Variants in XRCC1 observed in about 807,000 individuals in gnomAD.
The protein encoded by XRCC1 is X-ray repair cross complementing 1.
XRCC1 carries 52 observed loss-of-function variants against 83.3 expected under a neutral mutation model. That is an observed-to-expected ratio of 0.62 (90% CI 0.50 to 0.79). The LOEUF (loss-of-function observed/expected upper bound fraction) is 0.79, where lower values mean the gene tolerates loss of function less well. Among genes scored for constraint, XRCC1 ranks in the 30% least tolerant of loss-of-function variants. XRCC1 has a pLI of 0.00. For synonymous variants in XRCC1, 281 were observed against 312.6 expected (o/e 0.90, Z 1.07); for missense variants, 793 against 823.5 (o/e 0.96, Z 0.45).
intron 2 of XRCC1, among the ~76,000 whole-genome samples, chr19:43,564,939 T>A (rs925260702): frequency 2.0e-5 from 3 of 152,210 alleles, no homozygotes. Flanking sequence ...TCTCCTTGCA[T>A]CTTCGGCTTC....
chr19:43,549,345 T>C (rs905660868), intron 10 of XRCC1, among the ~76,000 whole-genome samples: 4 of 152,062 alleles, frequency 2.6e-5, no homozygotes, highest in African/African-American at 9.7e-5. Flanking sequence ...CTTCAACCCC[T>C]TCCTCCCAGG....
At position 43,553,457 on chromosome 19, in the gene XRCC1, G is replaced by A. The variant is rs2146052489; in HGVS notation, c.545C>T (p.Ala182Val). 2 of 1,614,156 alleles carry A rather than the reference G, an allele frequency of 1.2e-6. No homozygotes were observed. The highest frequency in any genetic ancestry group is 1.1e-5 in the South Asian group (1 of 91,082). ...QFRVKEEDES[A>V]NSLRPGALFF... ...GAGAGCCCCCGGCCTCAGAGAGTTG[G>A]CGCTCTCATCCTCCTCCTTCACACG... The change falls in exon 6 of 17, where the codon GCC becomes GTC. Residue 182 changes from alanine to valine, a missense_variant. By Grantham distance (64) the Ala-to-Val change is moderately conservative. Transcript: ENST00000262887.
rs1282834203 is a variant in XRCC1 at position 43,548,047 on chromosome 19, G to GT, written c.1200-1071_1200-1070insA. On this transcript the variant is annotated intron_variant, in intron 10 of 16. Coordinates refer to ENST00000262887, the MANE Select transcript of XRCC1 (RefSeq NM_006297.3). ...CAGGTTCCCGTCCGGGAGGGAGGTG[G>GT]GGGGCCAGCCGCCCCGTCGGGGGGG... is the stretch of plus-strand genomic sequence containing the variant. Among the ~76,000 whole-genome samples, 2 of 29,332 alleles carry GT rather than the reference G, an allele frequency of 6.8e-5. 1 individual carries two copies. 19.2% of individuals were successfully genotyped at this position (29,332 alleles called of 152,430 possible). A position where few individuals can be genotyped will look rare whatever the true frequency, so the allele number is the denominator to read the frequency against.
intron 4 of XRCC1, among the ~76,000 whole-genome samples, chr19:43,554,369 C>T (rs1568514422): frequency 6.6e-6 from 1 of 152,200 alleles, no homozygotes; most frequent in Non-Finnish European, 1.5e-5. Context: ...ACTAGGCCCA[C>T]TCTACTAGGC....
rs779561255 is a variant in XRCC1, at chr19:43,543,642, T to C, written c.1758A>G (p.Thr586=). ...YMSDRVQFVI[T]AQEWDPSFEE... is the part of the protein sequence containing the mutation. Reference sequence around the variant, plus strand: ...CAAAGCTGGGATCCCATTCCTGTGCTGTGATCACAAACTGAACCCGGTCAC... The same window carrying C: ...CAAAGCTGGGATCCCATTCCTGTGCCGTGATCACAAACTGAACCCGGTCAC... The change falls in exon 16 of 17, where the codon ACA becomes ACG. Residue 586 remains threonine, a synonymous_variant. Coordinates refer to ENST00000262887, the MANE Select transcript of XRCC1 (RefSeq NM_006297.3). 6.2e-7 allele frequency: 1 copy of C among 1,613,956 alleles called. No individual in the cohort carries two copies. Among genetic ancestry groups the C allele is most frequent in the Non-Finnish European group, 8.5e-7 (1 of 1,180,004 alleles).
At chr19:43,566,740 A>G (rs1160171011) in intron 2 of XRCC1, among the ~76,000 whole-genome samples, 2 of 151,430 alleles carry the variant, frequency 1.3e-5, no homozygotes, top group African/African-American at 4.9e-5. Flanking sequence ...TTAGTTGGGC[A>G]TGGTGGCATG....
intron 15 of XRCC1, among the ~76,000 whole-genome samples, 173 bp downstream of exon 15, chr19:43,543,971 C>T (rs1262201832): frequency 4.6e-5 from 7 of 152,050 alleles, no homozygotes; most frequent in African/African-American, 7.2e-5. Context: ...CCTGGGCTGC[C>T]GGTGGTGGGC....
In XRCC1 at chr19:43,553,004, C is replaced by A; in HGVS notation, c.689G>T (p.Arg230Met). ...CACCTTGGAGGTGCTGCCTATGGCCCTGGAGACTGGAGAGGCTGAGGAGGC... is the reference window on the plus strand; with the variant it reads ...CACCTTGGAGGTGCTGCCTATGGCCATGGAGACTGGAGAGGCTGAGGAGGC... ...SAASSASPVS[R>M]AIGSTSKPQE... The change falls in exon 7 of 17, where the codon AGG becomes ATG. Residue 230 changes from arginine to methionine, a missense_variant. By Grantham distance (91) the Arg-to-Met change is moderately conservative (BLOSUM62 -1). Coordinates refer to ENST00000262887, the MANE Select transcript of XRCC1 (RefSeq NM_006297.3). The A allele has an allele frequency of 1.2e-6, 2 of 1,602,462 alleles. No individual in the cohort carries two copies. The highest frequency in any genetic ancestry group is 1.7e-6 in the Non-Finnish European group (2 of 1,174,872).
intron 2 of XRCC1, among the ~76,000 whole-genome samples, chr19:43,563,370 G>A (rs1027677702): frequency 6.6e-6 from 1 of 152,168 alleles, no homozygotes; most frequent in African/African-American, 2.4e-5. Flanking sequence ...GTGAGCGCCT[G>A]TAATCCCAGA....
chr19:43,552,318 T>C, intron 8 of XRCC1, 43 bp from the exon 9 acceptor site: 1 of 1,443,160 alleles, frequency 6.9e-7, no homozygotes, highest in Non-Finnish European at 9.4e-7. Context: ...CCACTGGGGG[T>C]CAACCCCCAG....
chr19:43,544,310 G>T, intron 14 of XRCC1, 76 bp from the exon 15 acceptor site: 1 of 1,322,962 alleles, frequency 7.6e-7, no homozygotes. Context: ...TGACGAGGCT[G>T]ACCCAGCAGC....
At chr19:43,548,160 GGCGCCTCCGCCCGGCCGCCGCCCCGTCC>G (rs1972536088) in intron 10 of XRCC1, among the ~76,000 whole-genome samples, 1 of 151,268 alleles carries the variant, frequency 6.6e-6, no homozygotes, top group African/African-American at 2.4e-5. Flanking sequence ...GGAGGTGGGG[GGCGCCTCCGCCCGGCCGCCGCCCCGTCC>G]GGGAGGTGGG....
intron 14 of XRCC1, among the ~76,000 whole-genome samples, chr19:43,544,802 C>A (rs118133234): frequency 1.3e-5 from 2 of 151,832 alleles, no homozygotes; most frequent in East Asian, 1.9e-4. Flanking sequence ...CACACCACCA[C>A]GCTCGGCTAA....
At chr19:43,564,206 A>G (rs1198943162) in intron 2 of XRCC1, among the ~76,000 whole-genome samples, 1 of 152,216 alleles carries the variant, frequency 6.6e-6, no homozygotes, top group Non-Finnish European at 1.5e-5. Flanking sequence ...TATCATTAAC[A>G]CAGCAGGCCT....
intron 2 of XRCC1, among the ~76,000 whole-genome samples, chr19:43,565,928 A>G (rs1288051981): frequency 3.3e-5 from 5 of 150,990 alleles, no homozygotes; most frequent in African/African-American, 1.2e-4. Flanking sequence ...ATAAAGTGAG[A>G]CTCTGTCTCA....
chr19:43,553,131 G>C (rs773008470), intron 6 of XRCC1, 40 bp from the exon 7 acceptor site: 1 of 1,535,118 alleles, frequency 6.5e-7, no homozygotes, highest in South Asian at 1.2e-5. Flanking sequence ...AGAGGGCTGA[G>C]CCCCAAGACC....
intron 2 of XRCC1, among the ~76,000 whole-genome samples, chr19:43,563,764 GC>G (rs1348940690): frequency 6.6e-6 from 1 of 152,084 alleles, no homozygotes; most frequent in Non-Finnish European, 1.5e-5. Context: ...AACCTACCTC[GC>G]CCCCTACCTG....
rs180914568 is a variant in XRCC1, at chr19:43,569,318, A to G, written c.144+5592T>C. Among the ~76,000 whole-genome samples, 469 of 152,152 alleles carry G rather than the reference A, an allele frequency of 3.1e-3. 2 individuals carry two copies. The highest frequency in any genetic ancestry group is 7.9e-3 in the South Asian group (38 of 4,820). On this transcript the variant is annotated intron_variant, in intron 2 of 16. Transcript: ENST00000262887. ...TGAGACCCCCATCTCTGCAAAAAAA[A>G]TACAAAAATTAGACTGGTGAACTGG...
Position 43,551,632 on chromosome 19 carries a change from T to A in XRCC1, c.1138A>T (p.Ile380Phe), listed in dbSNP as rs751456113. The change falls in exon 10 of 17, where the codon ATC (isoleucine) becomes TTC (phenylalanine). Residue 380 changes from isoleucine to phenylalanine, a missense_variant. By Grantham distance (21) the Ile-to-Phe change is conservative. Coordinates refer to ENST00000262887, the MANE Select transcript of XRCC1 (RefSeq NM_006297.3). Reference sequence around the variant, plus strand: ...TCCAGCACCCACTCCTTACGCACGATGCGGCCTCCCAGGCCTAGGACCTGG... The same window carrying A: ...TCCAGCACCCACTCCTTACGCACGAAGCGGCCTCCCAGGCCTAGGACCTGG... ...YSQVLGLGGR[I>F]VRKEWVLDCH... is the part of the protein sequence containing the mutation. 1 of 1,614,190 alleles carries A rather than the reference T, an allele frequency of 6.2e-7. No homozygotes were observed. The highest frequency in any genetic ancestry group is 8.5e-7 in the Non-Finnish European group (1 of 1,180,028).
Sources: gnomAD v4.1 joint callset for allele counts (sites outside exome capture counted in the v4.1 genomes callset) on GRCh38, gnomAD v4.1.1 for gene constraint, MANE v1.5 for transcripts, NCBI Gene and HGNC (gene_info 2026-07-23, HGNC 2026-07-21) for gene names.